The following DNAH11 variants were observed in gnomAD, a reference collection of about 807,000 sequenced individuals.
DNAH11 encodes the protein dynein axonemal heavy chain 11, also known as axonemal beta dynein heavy chain 11.
Under a neutral mutation model 526.0 loss-of-function variants are expected in DNAH11, and 442 were observed. That is an observed-to-expected ratio of 0.84 (90% CI 0.78 to 0.91). The LOEUF (loss-of-function observed/expected upper bound fraction) is 0.91. DNAH11 is among the 40% of genes least tolerant of loss of function. DNAH11 has a pLI of 0.00. For synonymous variants in DNAH11, 2,461 were observed against 1,935.9 expected, an observed-to-expected ratio of 1.27 and a Z score of -7.12; for missense variants, 6,989 against 5,448.7, an observed-to-expected ratio of 1.28 and a Z score of -8.90.
chr7:21,883,013 T>C (rs1345685614), intron 75 of DNAH11, among the ~76,000 whole-genome samples: 3 of 151,262 alleles, frequency 2.0e-5, no homozygotes, highest in Non-Finnish European at 4.4e-5. Context: ...TTTCAGCTAT[T>C]TGGAAGGTAG....
At chr7:21,572,071 A>G in intron 8 of DNAH11, 98 bp downstream of exon 8, 1 of 1,094,024 alleles carries the variant, frequency 9.1e-7, no homozygotes, top group Non-Finnish European at 1.2e-6. Flanking sequence ...CATCCATTCC[A>G]ATATCTCTAG....
At chr7:21,744,380 C>A (rs1010214727) in intron 49 of DNAH11, 58 bp from the exon 50 acceptor site, 41 of 1,563,048 alleles carry the variant, frequency 2.6e-5, no homozygotes, top group Non-Finnish European at 3.4e-5. Context: ...GTGTTAAACT[C>A]ATTTGACATG....
intron 28 of DNAH11, among the ~76,000 whole-genome samples, chr7:21,653,940 T>C (rs921777256): frequency 1.3e-5 from 2 of 152,202 alleles, no homozygotes; most frequent in African/African-American, 4.8e-5. Flanking sequence ...TGCTATTGTT[T>C]CTAGAAGTTG....
intron 18 of DNAH11, among the ~76,000 whole-genome samples, chr7:21,603,734 C>T (rs942600680): frequency 6.6e-6 from 1 of 152,132 alleles, no homozygotes; most frequent in African/African-American, 2.4e-5. Flanking sequence ...ACAGTAGAAA[C>T]AACTATAAAT....
intron 79 of DNAH11, among the ~76,000 whole-genome samples, chr7:21,895,521 G>T (rs1027197072): frequency 2.0e-5 from 3 of 152,118 alleles, no homozygotes; most frequent in Non-Finnish European, 4.4e-5. Context: ...ACAGATTACT[G>T]AATGTAATCT....
At chr7:21,885,171 T>TGAAAAAA in intron 76 of DNAH11, among the ~76,000 whole-genome samples, 1 of 114,584 alleles carries the variant, frequency 8.7e-6, no homozygotes, top group Non-Finnish European at 1.7e-5. Context: ...AAATGAACTA[T>TGAAAAAA]AAAAAAAAAA....
Position 21,559,695 on chromosome 7 carries a change from C to T in DNAH11, c.785C>T (p.Ser262Leu), listed in dbSNP as rs1298746949. 1 of 1,610,932 alleles carries T rather than the reference C, an allele frequency of 6.2e-7. No homozygotes were observed. Among genetic ancestry groups the T allele is most frequent in the South Asian group, 1.1e-5 (1 of 90,352 alleles). Residue 262 changes from serine to leucine, a missense_variant, in exon 4 of 82, where the codon TCA becomes TTA. Transcript: ENST00000409508. ...HQIQEIIERD[S>L]VQRLLNGLHL... The stretch of plus-strand genomic sequence containing the variant: ...ATCCAAGAAATTATAGAAAGAGATT[C>T]AGTGCAGCGTTTGTTGAATGGTCTT...
At chr7:21,556,190 C>A (rs1323169258) in intron 2 of DNAH11, among the ~76,000 whole-genome samples, 1 of 152,278 alleles carries the variant, frequency 6.6e-6, no homozygotes, top group South Asian at 2.1e-4. Flanking sequence ...AACAGTGAAA[C>A]TTTCCTCCCT....
intron 34 of DNAH11, 51 bp from the exon 35 acceptor site, chr7:21,690,714 A>G (rs1583597442): frequency 3.0e-6 from 4 of 1,350,630 alleles, no homozygotes; most frequent in East Asian, 4.7e-5. Flanking sequence ...GTCAATGTGC[A>G]TTCATATTCA....
intron 45 of DNAH11, among the ~76,000 whole-genome samples, chr7:21,735,069 C>G (rs1231173361): frequency 6.6e-6 from 1 of 151,840 alleles, no homozygotes; most frequent in Non-Finnish European, 1.5e-5. Context: ...ACTCAGGAGG[C>G]TGAAGTGGGA....
intron 25 of DNAH11, among the ~76,000 whole-genome samples, chr7:21,621,031 G>A (rs1298378391): frequency 6.6e-6 from 1 of 152,020 alleles, no homozygotes; most frequent in Non-Finnish European, 1.5e-5. Flanking sequence ...ACATACGTGT[G>A]CATGTGTCTT....
intron 7 of DNAH11, among the ~76,000 whole-genome samples, chr7:21,571,495 G>A (rs547007790): frequency 1.3e-5 from 2 of 152,136 alleles, no homozygotes; most frequent in East Asian, 3.9e-4. Flanking sequence ...GCCCAGGTTG[G>A]TTTCAAACTC....
In DNAH11 at chr7:21,557,468, A is replaced by G. The variant is rs552845831; in HGVS notation, c.496-1334A>G. On this transcript the variant is annotated intron_variant, in intron 2 of 81. Transcript: ENST00000409508. ...ATCTGAAGGCTGCTTCATGGTTTGT[A>G]GACGGCCCCTTCTAGCTATGTCTTC... Among the ~76,000 whole-genome samples the G allele has an allele frequency of 1.4e-4, 21 of 152,306 alleles. No homozygotes were observed. In the South Asian group the frequency reaches 3.9e-3, roughly 29 times the overall value.
In DNAH11 at chr7:21,748,529, G is replaced by C. The variant is rs1302719342; in HGVS notation, c.8511-51G>C. Reference sequence around the variant, plus strand: ...AATAAAAATAAACAGAACAGACATAGTCCCGGGGCATTTTCGATTTTGTGC... The same window carrying C: ...AATAAAAATAAACAGAACAGACATACTCCCGGGGCATTTTCGATTTTGTGC... On this transcript the variant is annotated intron_variant, in intron 51 of 81. Coordinates refer to ENST00000409508, the MANE Select transcript of DNAH11 (RefSeq NM_001277115.2). 1.1e-5 allele frequency: 16 copies of C among 1,417,362 alleles called. No homozygotes were observed. In the Admixed American group the frequency reaches 3.4e-4, roughly 30 times the overall value. 87.8% of individuals were successfully genotyped at this position (1,417,362 alleles called of 1,614,324 possible).
chr7:21,677,569 G>A (rs1023400228), intron 30 of DNAH11, among the ~76,000 whole-genome samples: 1 of 152,244 alleles, frequency 6.6e-6, no homozygotes, highest in South Asian at 2.1e-4. Flanking sequence ...ATTTTTAGTA[G>A]AGATGGGGTT....
rs1284362579 is a variant in DNAH11 at position 21,720,844 on chromosome 7, G to T, written c.7254G>T (p.Leu2418=). ...FACIWAFGGT[L]LQDQISDYQA... ...GTATCTGGGCTTTTGGAGGCACCCT[G>T]CTACAAGATCAGGTATGTTTAGAAA... Residue 2418 remains leucine, a synonymous_variant, in exon 44 of 82, where the codon CTG becomes CTT. Transcript: ENST00000409508. The T allele has an allele frequency of 6.2e-7, 1 of 1,612,774 alleles. No individual in the cohort carries two copies. Among genetic ancestry groups the T allele is most frequent in the Middle Eastern group, 1.7e-4 (1 of 6,054 alleles).
At chr7:21,603,392 A>G (rs1467496886) in intron 18 of DNAH11, among the ~76,000 whole-genome samples, 1 of 152,120 alleles carries the variant, frequency 6.6e-6, no homozygotes, top group Non-Finnish European at 1.5e-5. Flanking sequence ...TTATTTGAGT[A>G]TCTGTTTTCA....
intron 10 of DNAH11, 125 bp downstream of exon 10, chr7:21,588,326 T>C: frequency 7.4e-7 from 1 of 1,360,518 alleles, no homozygotes; most frequent in South Asian, 1.5e-5. Flanking sequence ...TGCTTTTATT[T>C]AACTGGTTTC....
intron 14 of DNAH11, among the ~76,000 whole-genome samples, chr7:21,593,841 G>A (rs1209225948): frequency 1.3e-5 from 2 of 151,930 alleles, no homozygotes; most frequent in Non-Finnish European, 2.9e-5. Flanking sequence ...CTTAATCCAT[G>A]AATACTCTCC....
Sources: gnomAD v4.1 joint callset for allele counts (sites outside exome capture counted in the v4.1 genomes callset) on GRCh38, gnomAD v4.1.1 for gene constraint, MANE v1.5 for transcripts, NCBI Gene and HGNC (gene_info 2026-07-23, HGNC 2026-07-21) for gene names.